The following GCN1 variants were observed in gnomAD, a reference collection of about 807,000 sequenced individuals.
GCN1 encodes stalled ribosome sensor GCN1.
A neutral mutation model predicts 288.4 loss-of-function variants in GCN1; 90 were observed. The observed-to-expected ratio is 0.31, with a 90% CI of 0.26 to 0.37. The LOEUF (loss-of-function observed/expected upper bound fraction) is 0.37, where lower values mean the gene tolerates loss of function less well. Ranked by LOEUF, GCN1 falls within the 10% of genes least tolerant of loss-of-function variation. The pLI is 1.00. For missense variants in GCN1, 2,586 were observed against 3,419.9 expected (o/e 0.76, Z 6.08); for synonymous variants, 1,386 against 1,420.2 (o/e 0.98, Z 0.54).
rs1324614196 is a variant in GCN1, at chr12:120,137,729, G to C, written c.6479C>G (p.Thr2160Ser). The C allele has an allele frequency of 1.9e-6, 3 of 1,614,132 alleles. No homozygotes were observed. Among genetic ancestry groups the C allele is most frequent in the Non-Finnish European group, 2.5e-6 (3 of 1,179,992 alleles). The part of the protein sequence containing the change: ...RIIIEDLLEA[T>S]RSPEVGMRQA... ...CCTCATGCCCACCTCAGGGCTGCGG[G>C]TGGCCTCCAGCAGATCCTCGATGAT... The change falls in exon 49 of 58, where the codon ACC (threonine) becomes AGC (serine). Residue 2160 changes from threonine (T) to serine (S), a missense_variant. This residue lies in a region of GCN1 where 437 missense variants were observed against 570.5 expected (regional missense o/e 0.77). Transcript: ENST00000300648. This position sits in a 1 kb window ranked among gnomAD's most constrained non-coding sequence, Gnocchi z 5.2.
At chr12:120,178,358 AT>A (rs1240591346) in intron 7 of GCN1, among the ~76,000 whole-genome samples, 1 of 152,240 alleles carries the variant, frequency 6.6e-6, no homozygotes, top group Non-Finnish European at 1.5e-5. Context: ...TGCCTAGAAC[AT>A]GGCAGCCACT....
chr12:120,174,094 A>G lies in GCN1; in HGVS notation c.1169T>C (p.Phe390Ser), dbSNP rs1202184496. 6.2e-7 allele frequency: 1 copy of G among 1,600,340 alleles called. No individual in the cohort carries two copies. Among genetic ancestry groups the G allele is most frequent in the South Asian group, 1.1e-5 (1 of 90,820 alleles). ...QVLNGIVAEL[F>S]IPFLQQEVHE... is the part of the protein sequence containing the mutation. ...ACCTTCCTGCTGAAGGAACGGGATG[A>G]ACAGCTCAGCCACGATCCCATTCAG... The change falls in exon 13 of 58, where the codon TTC becomes TCC. Residue 390 changes from phenylalanine (F) to serine (S), a missense_variant. Phe to Ser is a radical substitution (Grantham distance 155). Around this residue, in one of 8 missense-constraint regions of GCN1, gnomAD observed 913 missense variants for 1,107.0 expected, o/e 0.82. Coordinates refer to ENST00000300648, the MANE Select transcript of GCN1 (RefSeq NM_006836.2).
intron 36 of GCN1, among the ~76,000 whole-genome samples, chr12:120,148,568 G>A (rs1877433954): frequency 6.6e-6 from 1 of 152,192 alleles, no homozygotes. Context: ...AGGGCAGTAT[G>A]GGAGAAAGAG....
chr12:120,149,987 A>G lies in GCN1; in HGVS notation c.4366T>C (p.Tyr1456His), dbSNP rs1301921473. ...AGATGGGGCAGCACGTGAACCACAT[A>G]CGGCTCAAAAAGTTTCCCCAGCATG... Reference protein sequence around the residue: ...CTMLGKLFEPYVVHVLPHLLL... With the variant: ...CTMLGKLFEPHVVHVLPHLLL... The change falls in exon 35 of 58, where the codon TAT (tyrosine) becomes CAT (histidine). Residue 1456 changes from tyrosine (Y) to histidine (H), a missense_variant. Around this residue, in one of 8 missense-constraint regions of GCN1, gnomAD observed 371 missense variants for 572.6 expected, o/e 0.65. Coordinates refer to ENST00000300648, the MANE Select transcript of GCN1 (RefSeq NM_006836.2). The G allele has an allele frequency of 6.2e-7, 1 of 1,613,948 alleles. No individual in the cohort carries two copies. Among genetic ancestry groups the G allele is most frequent in the Non-Finnish European group, 8.5e-7 (1 of 1,179,906 alleles).
At chr12:120,149,100 G>T (rs962847114) in intron 36 of GCN1, among the ~76,000 whole-genome samples, 2 of 151,872 alleles carry the variant, frequency 1.3e-5, no homozygotes, top group African/African-American at 2.4e-5. Flanking sequence ...GCTTTCCTGG[G>T]GGGGGAAAAC....
rs1594254656 is a variant in GCN1, at chr12:120,127,973, G to C, written c.7892C>G (p.Ser2631Cys). 1 of 1,613,964 alleles carries C rather than the reference G, an allele frequency of 6.2e-7. No individual in the cohort carries two copies. The change falls in exon 58 of 58, where the codon TCC becomes TGC. Residue 2631 changes from serine to cysteine, a missense_variant and splice_region_variant. By Grantham distance (112) the Ser-to-Cys change is moderately radical (BLOSUM62 -1). Around this residue, in one of 8 missense-constraint regions of GCN1, gnomAD observed 355 missense variants for 431.1 expected, o/e 0.82. Coordinates refer to ENST00000300648, the MANE Select transcript of GCN1 (RefSeq NM_006836.2). The part of the protein sequence containing the change: ...KMRQGEEVFQ[S>C]LSKILDVASL... ...GGCCACATCCAGGATCTTGGAGAGG[G>C]ACTGTGGGGAAGGATGAGCAGGAGG...
At chr12:120,131,559 C>T (rs891981819) in intron 54 of GCN1, among the ~76,000 whole-genome samples, 12 of 152,346 alleles carry the variant, frequency 7.9e-5, no homozygotes, top group African/African-American at 2.9e-4. Flanking sequence ...TCCGGGCTTA[C>T]AGCTGTGTTC....
At chr12:120,183,380 C>G (rs1351009939) in intron 5 of GCN1, among the ~76,000 whole-genome samples, 189 bp downstream of exon 5, 2 of 152,178 alleles carry the variant, frequency 1.3e-5, no homozygotes, top group Admixed American at 1.3e-4. Flanking sequence ...TCCAAAATGT[C>G]TAATACACCA....
At chr12:120,150,723 G>C (rs756762609) in intron 34 of GCN1, among the ~76,000 whole-genome samples, 2 of 152,028 alleles carry the variant, frequency 1.3e-5, no homozygotes, top group Non-Finnish European at 2.9e-5. Context: ...AGATCACGAG[G>C]TCAGGAGATC....
At chr12:120,140,388 C>T (rs931864655) in intron 45 of GCN1, among the ~76,000 whole-genome samples, 2 of 152,164 alleles carry the variant, frequency 1.3e-5, no homozygotes, top group Admixed American at 6.5e-5. Context: ...TGTTGCCAGA[C>T]GCAATATGCT....
Position 120,127,745 on chromosome 12 carries a change from G to A in GCN1, c.*104C>T. On this transcript the variant is annotated 3_prime_UTR_variant, in exon 58 of 58. Coordinates refer to ENST00000300648, the MANE Select transcript of GCN1 (RefSeq NM_006836.2). Reference sequence around the variant, plus strand: ...GTCTATTGATATTAAAATACTTTCTGGGAACGCCATCTTCCAAGCTCCCCA... The same window carrying A: ...GTCTATTGATATTAAAATACTTTCTAGGAACGCCATCTTCCAAGCTCCCCA... 1 of 1,260,442 alleles carries A rather than the reference G, an allele frequency of 7.9e-7. No homozygotes were observed. The highest frequency in any genetic ancestry group is 1.1e-6 in the Non-Finnish European group (1 of 891,408). The allele number at this position is 1,260,442 out of a possible 1,614,324, so 78.1% of individuals were successfully genotyped here.
Position 120,183,361 on chromosome 12 carries a change from C to T in GCN1, c.426+208G>A, listed in dbSNP as rs912680948. Among the ~76,000 whole-genome samples the T allele has an allele frequency of 1.1e-4, 17 of 152,218 alleles. 1 individual carries two copies. Among genetic ancestry groups the T allele is most frequent in the Admixed American group, 9.8e-4 (15 of 15,274 alleles). ...TTCTAGTGCCTAGCACCATGCCTGA[C>T]AGAGAAGCTCCAAAATGTCTAATAC... On this transcript the variant is annotated intron_variant, in intron 5 of 57. Coordinates refer to ENST00000300648, the MANE Select transcript of GCN1 (RefSeq NM_006836.2).
chr12:120,160,059 G>A (rs2139113488), intron 23 of GCN1, 36 bp from the exon 24 acceptor site: 2 of 1,600,712 alleles, frequency 1.2e-6, no homozygotes, highest in Middle Eastern at 1.7e-4. Flanking sequence ...AGGTCAGCAG[G>A]GCCCTGCTTG....
chr12:120,152,637 GCA>G lies in GCN1; in HGVS notation c.4062+574_4062+575del, dbSNP rs60288659. Among the ~76,000 whole-genome samples the G allele has an allele frequency of 5.3e-3, 567 of 107,278 alleles. 2 individuals are homozygous for G. The highest frequency in any genetic ancestry group is 0.018 in the African/African-American group (482 of 27,274). 70.4% of individuals were successfully genotyped at this position (107,278 alleles called of 152,430 possible). A position where few individuals can be genotyped will look rare whatever the true frequency, so the allele number is the denominator to read the frequency against. ...CAAAATGCAAACCACACACACACGC[GCA>G]CACACACACACACACACACAAAATA... On this transcript the variant is annotated intron_variant, in intron 33 of 57. Coordinates refer to ENST00000300648, the MANE Select transcript of GCN1 (RefSeq NM_006836.2).
Position 120,173,798 on chromosome 12 carries a change from G to A in GCN1, c.1221C>T (p.Val407=), listed in dbSNP as rs751157454. The part of the protein sequence containing the change: ...EVHEGTLVHA[V]SVLALWCNRF... ...GGTTACACCAGAGAGCCAGGACTGAGACAGCGTGTACCAAGGTCCCTTCAT... is the reference window on the plus strand; with the variant it reads ...GGTTACACCAGAGAGCCAGGACTGAAACAGCGTGTACCAAGGTCCCTTCAT... Residue 407 remains valine (V), a synonymous_variant, in exon 14 of 58, where the codon GTC becomes GTT. Coordinates refer to ENST00000300648, the MANE Select transcript of GCN1 (RefSeq NM_006836.2). The A allele has an allele frequency of 1.3e-5, 21 of 1,614,028 alleles. No individual in the cohort carries two copies. Among genetic ancestry groups the A allele is most frequent in the Non-Finnish European group, 1.8e-5 (21 of 1,179,864 alleles).
intron 9 of GCN1, 88 bp downstream of exon 9, chr12:120,177,359 A>G: frequency 1.6e-6 from 1 of 611,392 alleles, no homozygotes; most frequent in Non-Finnish European, 3.0e-6. Flanking sequence ...CCTCCCCCCT[A>G]CCACACACAC....
intron 15 of GCN1, among the ~76,000 whole-genome samples, chr12:120,169,293 A>G (rs1193374054): frequency 5.9e-5 from 5 of 84,522 alleles, no homozygotes; most frequent in African/African-American, 4.1e-4. Context: ...AAAAAAAAAA[A>G]AAGAAAAAAA....
chr12:120,181,831 C>G (rs1240795091), intron 5 of GCN1, among the ~76,000 whole-genome samples: 2 of 113,706 alleles, frequency 1.8e-5, no homozygotes, highest in Non-Finnish European at 3.4e-5. Flanking sequence ...AAGAGTAAAA[C>G]TCCGTCTCAA....
At chr12:120,193,466 G>A (rs1261096760) in intron 1 of GCN1, among the ~76,000 whole-genome samples, 3 of 152,070 alleles carry the variant, frequency 2.0e-5, no homozygotes. Context: ...ACCATACCCG[G>A]TTAATTTTTT....
Sources: allele counts gnomAD v4.1 joint callset (sites outside exome capture counted in the v4.1 genomes callset), GRCh38; gene constraint gnomAD v4.1.1; regional missense constraint gnomAD v4.1.1; non-coding constraint Gnocchi (gnomAD v3.1); transcripts MANE v1.5; gene names NCBI Gene and HGNC (gene_info 2026-07-23, HGNC 2026-07-21).